The following ANO10 variants were observed in gnomAD, a reference collection of about 807,000 sequenced individuals.
ANO10 encodes the protein anoctamin 10, also known as anoctamin-10.
ANO10 carries 77 observed loss-of-function variants against 74.7 expected under a neutral mutation model. The ratio of observed to expected loss-of-function variants is 1.03; its 90% CI spans 0.86 to 1.25. The LOEUF is 1.25. ANO10 is among the 50% of genes most tolerant of loss of function. The probability of loss-of-function intolerance (pLI) is 0.00; values close to 1 mark genes in which losing one functional copy is unlikely to be tolerated. For synonymous variants in ANO10, 279 were observed against 284.9 expected (o/e 0.98, Z 0.21); for missense variants, 721 against 778.1 (o/e 0.93, Z 0.87).
intron 11 of ANO10, among the ~76,000 whole-genome samples, chr3:43,543,644 C>T (rs2079053683): frequency 6.6e-6 from 1 of 152,312 alleles, no homozygotes; most frequent in South Asian, 2.1e-4. Flanking sequence ...GCTTCGGCCT[C>T]CCAAAGTGCT....
rs1024596656 is a variant in ANO10 at position 43,480,869 on chromosome 3, G to A, written c.1798-48142C>T. On this transcript the variant is annotated intron_variant, in intron 11 of 12. Transcript: ENST00000292246. ...AGAAACCAAACAAAGAAAAAACAAG[G>A]CCGTTTTCAACTCAATTATGCTTAA... is the stretch of plus-strand genomic sequence containing the variant. Among the ~76,000 whole-genome samples, 12 of 152,132 alleles carry A rather than the reference G, an allele frequency of 7.9e-5. 1 individual carries two copies. Among genetic ancestry groups the A allele is most frequent in the East Asian group, 7.7e-4 (4 of 5,162 alleles).
intron 11 of ANO10, among the ~76,000 whole-genome samples, chr3:43,539,393 T>C (rs537817528): frequency 6.6e-6 from 1 of 152,204 alleles, no homozygotes; most frequent in African/African-American, 2.4e-5. Context: ...CCCATTAAAA[T>C]AGATAGGAAG....
At chr3:43,588,384 T>G (rs1191595409) in intron 4 of ANO10, among the ~76,000 whole-genome samples, 2 of 152,004 alleles carry the variant, frequency 1.3e-5, no homozygotes, top group African/African-American at 2.4e-5. Context: ...AAAATATATA[T>G]CCTAGCCTTT....
At chr3:43,432,045 G>A (rs1016231341) in intron 12 of ANO10, among the ~76,000 whole-genome samples, 1 of 151,190 alleles carries the variant, frequency 6.6e-6, no homozygotes, top group Non-Finnish European at 1.5e-5. Context: ...TACTCCAGGT[G>A]TCTAGGGATC....
intron 12 of ANO10, among the ~76,000 whole-genome samples, chr3:43,401,343 C>T (rs2092477718): frequency 6.6e-6 from 1 of 152,162 alleles, no homozygotes; most frequent in South Asian, 2.1e-4. Flanking sequence ...CAAAAATTCC[C>T]TTGCAGGCTG....
intron 11 of ANO10, among the ~76,000 whole-genome samples, chr3:43,489,660 T>C (rs536051207): frequency 2.0e-5 from 3 of 152,118 alleles, no homozygotes; most frequent in Non-Finnish European, 4.4e-5. Context: ...CAGAATGAAT[T>C]CGTCAATAAT....
intron 7 of ANO10, among the ~76,000 whole-genome samples, chr3:43,566,585 T>C (rs980943365): frequency 3.3e-5 from 5 of 152,136 alleles, no homozygotes; most frequent in Admixed American, 6.5e-5. Flanking sequence ...CACTGACACC[T>C]CACACGGCAG....
chr3:43,449,260 A>G (rs2074736435), intron 11 of ANO10, among the ~76,000 whole-genome samples: 2 of 152,106 alleles, frequency 1.3e-5, no homozygotes, highest in South Asian at 4.1e-4. Flanking sequence ...TATTTTGCAA[A>G]TATTTTCTCC....
At chr3:43,519,560 T>C (rs535132047) in intron 11 of ANO10, among the ~76,000 whole-genome samples, 8 of 152,294 alleles carry the variant, frequency 5.3e-5, no homozygotes, top group East Asian at 3.9e-4. Context: ...AATTCATACA[T>C]TTGGTTTCAT....
intron 7 of ANO10, among the ~76,000 whole-genome samples, chr3:43,571,403 T>C (rs1398013643): frequency 1.3e-5 from 2 of 150,462 alleles, no homozygotes; most frequent in African/African-American, 4.9e-5. Context: ...TATTGCGGCA[T>C]TATTCACAAT....
intron 12 of ANO10, among the ~76,000 whole-genome samples, chr3:43,370,615 CTTAAA>C (rs2091575367): frequency 6.6e-6 from 1 of 152,120 alleles, no homozygotes; most frequent in South Asian, 2.1e-4. Flanking sequence ...TTTGGGGATC[CTTAAA>C]TTAAAATCTT....
At chr3:43,643,726 T>C (rs375253108) in intron 1 of ANO10, among the ~76,000 whole-genome samples, 5 of 144,736 alleles carry the variant, frequency 3.5e-5, no homozygotes, top group African/African-American at 5.3e-5. Context: ...CTCTGTCGCC[T>C]AGGCTGGAGT....
At chr3:43,432,492 TGTA>T in intron 12 of ANO10, 116 bp downstream of exon 12, 1 of 855,678 alleles carries the variant, frequency 1.2e-6, no homozygotes, top group Non-Finnish European at 2.0e-6. Context: ...TGGAGTCCTC[TGTA>T]TTCATTTAAA....
chr3:43,564,743 T>C (rs908918225), intron 8 of ANO10, among the ~76,000 whole-genome samples: 35 of 152,236 alleles, frequency 2.3e-4, no homozygotes, highest in Admixed American at 5.9e-4. Flanking sequence ...TTGGCAAAGC[T>C]ATCAAGAGAG....
At chr3:43,690,980 C>CGCGGCGGCGGCTATG in intron 1 of ANO10, 2 of 1,571,500 alleles carry the variant, frequency 1.3e-6, no homozygotes, top group Non-Finnish European at 1.7e-6. Flanking sequence ...CCGGCGCTTG[C>CGCGGCGGCGGCTATG]GCGGCGGCGG....
chr3:43,546,890 T>C (rs1367957293), intron 11 of ANO10, among the ~76,000 whole-genome samples: 1 of 152,158 alleles, frequency 6.6e-6, no homozygotes, highest in Non-Finnish European at 1.5e-5. Flanking sequence ...AAATAACGGC[T>C]ATAAAGTTCC....
intron 11 of ANO10, among the ~76,000 whole-genome samples, chr3:43,452,057 C>T (rs139453658): frequency 6.6e-6 from 1 of 152,138 alleles, no homozygotes; most frequent in African/African-American, 2.4e-5. Context: ...ATAAAATAGG[C>T]CATAGAACAA....
At chr3:43,443,748 T>C (rs1009539776) in intron 11 of ANO10, among the ~76,000 whole-genome samples, 2 of 145,634 alleles carry the variant, frequency 1.4e-5, no homozygotes, top group Non-Finnish European at 3.0e-5. Context: ...TGGCACAGTC[T>C]CGGCTCACTG....
intron 12 of ANO10, among the ~76,000 whole-genome samples, chr3:43,401,389 A>T (rs1268702569): frequency 1.3e-5 from 2 of 151,132 alleles, no homozygotes; most frequent in African/African-American, 4.8e-5. Context: ...GTAAAGATAC[A>T]TTAAATTTTT....
Sources: gnomAD v4.1 joint callset for allele counts (sites outside exome capture counted in the v4.1 genomes callset) on GRCh38, gnomAD v4.1.1 for gene constraint, MANE v1.5 for transcripts, NCBI Gene and HGNC (gene_info 2026-07-23, HGNC 2026-07-21) for gene names.